NAALAD2: variants seen among roughly 807,000 people sequenced by gnomAD.
The protein encoded by NAALAD2 is N-acetylated-alpha-linked acidic dipeptidase 2.
A neutral mutation model predicts 95.6 loss-of-function variants in NAALAD2; 89 were observed. The observed-to-expected ratio is 0.93, with a 90% CI of 0.78 to 1.11. The LOEUF is 1.11. Ranked by LOEUF, NAALAD2 falls within the 50% of genes least tolerant of loss-of-function variation. The pLI is 0.00. For missense variants in NAALAD2, 894 were observed against 872.4 expected, an observed-to-expected ratio of 1.02 and a Z score of -0.31; for synonymous variants, 264 against 294.4, an observed-to-expected ratio of 0.90 and a Z score of 1.06.
chr11:90,167,255 C>T (rs930281715), intron 11 of NAALAD2, among the ~76,000 whole-genome samples: 34 of 152,096 alleles, frequency 2.2e-4, no homozygotes, highest in Admixed American at 2.0e-3. Flanking sequence ...TCCGGGTGGG[C>T]GTGGGCTCAG....
At chr11:90,165,043 T>C (rs1378959655) in intron 11 of NAALAD2, among the ~76,000 whole-genome samples, 1 of 152,160 alleles carries the variant, frequency 6.6e-6, no homozygotes, top group Non-Finnish European at 1.5e-5. Context: ...ATCATTTAAC[T>C]CCCACTTATA....
chr11:90,176,107 T>C (rs1952782485), intron 15 of NAALAD2, 45 bp downstream of exon 15: 10 of 1,458,552 alleles, frequency 6.9e-6, no homozygotes, highest in Non-Finnish European at 9.6e-6. Context: ...TCATCTACAG[T>C]CCTTTGGCGA....
intron 5 of NAALAD2, among the ~76,000 whole-genome samples, chr11:90,151,940 C>T (rs999070998): frequency 6.6e-6 from 1 of 152,170 alleles, no homozygotes; most frequent in Non-Finnish European, 1.5e-5. Context: ...TTTTCAAAAA[C>T]ACCCTCAGCC....
upstream of NAALAD2, among the ~76,000 whole-genome samples, chr11:90,133,541 G>C (rs1167711875): frequency 6.6e-6 from 1 of 152,140 alleles, no homozygotes; most frequent in Non-Finnish European, 1.5e-5. Flanking sequence ...ATAGCATAAG[G>C]GAATCGTAGT....
chr11:90,160,268 T>C (rs1311599905), intron 8 of NAALAD2, among the ~76,000 whole-genome samples: 6 of 152,172 alleles, frequency 3.9e-5, no homozygotes, highest in African/African-American at 1.2e-4. Flanking sequence ...AGAAATCAGC[T>C]TGTACAGAGT....
rs1450968002 is a variant in NAALAD2 at position 90,150,607 on chromosome 11, A to G, written c.609A>G (p.Lys203=). The change falls in exon 5 of 19, where the codon AAA becomes AAG. Residue 203 remains lysine, a splice_region_variant and synonymous_variant. Transcript: ENST00000534061. ...ATGGAAAAATCTTCAGAGGAAATAA[A>G]GTACAGTATTATTTGTTTTTCTACA... ...ARYGKIFRGN[K]VKNAMLAGAI... 1 of 1,583,004 alleles carries G rather than the reference A, an allele frequency of 6.3e-7. No homozygotes were observed. Among genetic ancestry groups the G allele is most frequent in the African/African-American group, 1.4e-5 (1 of 74,024 alleles).
intron 7 of NAALAD2, chr11:90,158,984 C>A: frequency 2.6e-6 from 1 of 383,778 alleles, no homozygotes; most frequent in South Asian, 3.0e-5. Flanking sequence ...GATAGCCTTC[C>A]CATTTGCCAT....
chr11:90,181,861 A>G (rs1952983420), intron 17 of NAALAD2, among the ~76,000 whole-genome samples, 160 bp downstream of exon 17: 1 of 152,064 alleles, frequency 6.6e-6, no homozygotes, highest in South Asian at 2.1e-4. Flanking sequence ...ACTTGTTAGA[A>G]AGGCAAAATA....
intron 11 of NAALAD2, among the ~76,000 whole-genome samples, chr11:90,167,428 C>T (rs1391076524): frequency 1.3e-5 from 2 of 152,194 alleles, no homozygotes; most frequent in African/African-American, 4.8e-5. Flanking sequence ...AGCCTGCGCC[C>T]CCGCCGCGGC....
intron 18 of NAALAD2, among the ~76,000 whole-genome samples, chr11:90,191,158 C>G (rs1857312863): frequency 6.6e-6 from 1 of 151,966 alleles, no homozygotes; most frequent in Non-Finnish European, 1.5e-5. Flanking sequence ...AACTGTCATT[C>G]TTGTTTAATC....
Position 90,155,088 on chromosome 11 carries a change from ATT to A in NAALAD2, c.796+2605_796+2606del, listed in dbSNP as rs557083879. Among the ~76,000 whole-genome samples, 181 of 124,822 alleles carry A rather than the reference ATT, an allele frequency of 1.5e-3. 4 individuals carry two copies. The highest frequency in any genetic ancestry group is 5.9e-3 in the African/African-American group (172 of 29,072). 81.9% of individuals were successfully genotyped at this position (124,822 alleles called of 152,430 possible). ...CATATGTATATATGTGTGTATATAT[ATT>A]ATATACGTATACATATGTATATATG... On this transcript the variant is annotated intron_variant, in intron 6 of 18. Transcript: ENST00000534061.
At chr11:90,146,343 A>ATTTTTTTTTTTTTTTTTTTTTT (rs71477596) in intron 2 of NAALAD2, among the ~76,000 whole-genome samples, 1 of 47,944 alleles carries the variant, frequency 2.1e-5, no homozygotes, top group Non-Finnish European at 3.7e-5. Flanking sequence ...GGGGAGTTTA[A>ATTTTTTTTTTTTTTTTTTTTTT]TTTTTTTTTT....
intron 15 of NAALAD2, among the ~76,000 whole-genome samples, chr11:90,177,586 G>GTTTTTTTTTTTTTTTTTTTTTT (rs57694347): frequency 0.013 from 360 of 28,466 alleles, 162 homozygotes; most frequent in Non-Finnish European, 0.016. Flanking sequence ...TCTTTTTCTT[G>GTTTTTTTTTTTTTTTTTTTTTT]TTTTTTTTTT....
chr11:90,186,942 A>C (rs1857162994), intron 18 of NAALAD2, among the ~76,000 whole-genome samples: 2 of 143,946 alleles, frequency 1.4e-5, no homozygotes, highest in African/African-American at 2.5e-5. Flanking sequence ...CAAAGGGCTA[A>C]TATCCAGAAT....
chr11:90,155,558 GTAATATA>G (rs1207448079), intron 6 of NAALAD2, among the ~76,000 whole-genome samples: 14 of 100,800 alleles, frequency 1.4e-4, no homozygotes, highest in South Asian at 2.8e-4. Context: ...TATATAATGT[GTAATATA>G]TAATATATAA....
intron 8 of NAALAD2, 154 bp from the exon 9 acceptor site, chr11:90,162,795 T>A: frequency 2.1e-6 from 1 of 477,992 alleles, no homozygotes; most frequent in Non-Finnish European, 3.7e-6. Flanking sequence ...GTGTTAACAA[T>A]TATTGAATTT....
chr11:90,168,930 A>G lies in NAALAD2; in HGVS notation c.1280A>G (p.Glu427Gly). Reference protein sequence around the residue: ...GLLGSTEWAEENVKILQERSI... With the variant: ...GLLGSTEWAEGNVKILQERSI... ...GTAACAACTTTGCTTCAACTACAGG[A>G]GAATGTCAAAATACTCCAGGAGAGA... is the stretch of plus-strand genomic sequence containing the variant. The change falls in exon 12 of 19, where the codon GAG becomes GGG. Residue 427 changes from glutamate to glycine, a missense_variant and splice_region_variant. By Grantham distance (98) the Glu-to-Gly change is moderately conservative (BLOSUM62 -2). Coordinates refer to ENST00000534061, the MANE Select transcript of NAALAD2 (RefSeq NM_005467.4). 6.2e-7 allele frequency: 1 copy of G among 1,606,588 alleles called. No individual in the cohort carries two copies. The highest frequency in any genetic ancestry group is 8.5e-7 in the Non-Finnish European group (1 of 1,176,490).
rs1857370587 is a variant in NAALAD2, at chr11:90,192,792, A to G, written c.*1045A>G. 6.6e-6 allele frequency: 1 copy of G among 151,952 alleles called. No homozygotes were observed. Among genetic ancestry groups the G allele is most frequent in the Non-Finnish European group, 1.5e-5 (1 of 67,880 alleles). 9.4% of individuals were successfully genotyped at this position (151,952 alleles called of 1,614,324 possible). On this transcript the variant is annotated 3_prime_UTR_variant, in exon 19 of 19. Transcript: ENST00000534061. ...TCTTCATATTCTAACTCCTATAAAG[A>G]CTGTATATCAGAATCTGCAAACTTT...
Position 90,181,600 on chromosome 11 carries a change from CTTTTCTAT to C in NAALAD2, c.1859-15_1859-8del. 6.5e-7 allele frequency: 1 copy of C among 1,533,172 alleles called. No homozygotes were observed. Among genetic ancestry groups the C allele is most frequent in the Non-Finnish European group, 9.0e-7 (1 of 1,113,842 alleles). 95.0% of individuals were successfully genotyped at this position (1,533,172 alleles called of 1,614,324 possible). On this transcript the variant is annotated splice_polypyrimidine_tract_variant and intron_variant, in intron 16 of 18. Transcript: ENST00000534061. ...GAAATATGAGCTAATTTCTCTTCTT[CTTTTCTAT>C]TTTTAAAAAAGACTCCTTATTTTCT...
Sources: allele counts gnomAD v4.1 joint callset (sites outside exome capture counted in the v4.1 genomes callset), GRCh38; gene constraint gnomAD v4.1.1; transcripts MANE v1.5; gene names NCBI Gene and HGNC (gene_info 2026-07-23, HGNC 2026-07-21).